Variants in TUBGCP6 observed in about 807,000 individuals in gnomAD.
TUBGCP6 encodes tubulin gamma complex component 6.
In TUBGCP6, 161 loss-of-function variants were observed where a neutral mutation model predicts 175.8. The ratio of observed to expected loss-of-function variants is 0.92; its 90% CI spans 0.81 to 1.04. The LOEUF (loss-of-function observed/expected upper bound fraction) is 1.04. TUBGCP6 is among the 50% of genes least tolerant of loss of function. The pLI is 0.00. For synonymous variants in TUBGCP6, 1,173 were observed against 1,030.5 expected, an observed-to-expected ratio of 1.14 and a Z score of -2.65; for missense variants, 2,572 against 2,433.0, an observed-to-expected ratio of 1.06 and a Z score of -1.20.
chr22:50,243,821 C>T lies in TUBGCP6; in HGVS notation c.639G>A (p.Ser213=), dbSNP rs756872541. ...GGCTGTGCACAAGGGCCCCGAAGAG[C>T]GAGACCCGGGTGTCTCTCTCGAACC... is the stretch of plus-strand genomic sequence containing the variant. ...GDRFERDTRV[S]LFGALVHSRT... Residue 213 remains serine, a synonymous_variant, in exon 1 of 25, where the codon TCG becomes TCA. Transcript: ENST00000248846. 3 of 1,613,510 alleles carry T rather than the reference C, an allele frequency of 1.9e-6. No homozygotes were observed. Among genetic ancestry groups the T allele is most frequent in the South Asian group, 2.2e-5 (2 of 91,072 alleles).
rs561967907 is a variant in TUBGCP6, at chr22:50,226,144, A to G, written c.1739T>C (p.Val580Ala). 1.9e-6 allele frequency: 3 copies of G among 1,614,084 alleles called. No individual in the cohort carries two copies. The highest frequency in any genetic ancestry group is 2.5e-6 in the Non-Finnish European group (3 of 1,180,002). The stretch of plus-strand genomic sequence containing the variant: ...CAGAAACACGGGAACACAGTCCTCC[A>G]CCTCTTTGGAGATGAGCACGTAGCC... ...THGYVLISKE[V>A]EDCVPVFLKH... The change falls in exon 9 of 25, where the codon GTG becomes GCG. Residue 580 changes from valine (V) to alanine (A), a missense_variant. Coordinates refer to ENST00000248846, the MANE Select transcript of TUBGCP6 (RefSeq NM_020461.4).
At chr22:50,234,194 C>T (rs1271442764) in intron 2 of TUBGCP6, among the ~76,000 whole-genome samples, 12 of 149,848 alleles carry the variant, frequency 8.0e-5, no homozygotes, top group Non-Finnish European at 1.6e-4. Context: ...ATCCACACGC[C>T]CGTCCACAGC....
Position 50,226,192 on chromosome 22 carries a change from AAGGTAGGGTG to A in TUBGCP6, c.1694-13_1694-4del, listed in dbSNP as rs780635461. 24 of 1,613,978 alleles carry A rather than the reference AAGGTAGGGTG, an allele frequency of 1.5e-5. No individual in the cohort carries two copies. The highest frequency in any genetic ancestry group is 1.9e-5 in the Non-Finnish European group (23 of 1,180,024). ...GCCATGTGTCCAGTACAACTTATCT[AAGGTAGGGTG>A]AACACCACGGTGGCCGGCATGGCCA... On this transcript the variant is annotated splice_region_variant and splice_polypyrimidine_tract_variant and intron_variant, in intron 8 of 24. Transcript: ENST00000248846.
Position 50,243,958 on chromosome 22 carries a change from C to A in TUBGCP6, c.502G>T (p.Glu168Ter), listed in dbSNP as rs761488916. ...TGGATCATGCTGTGACACAAACACT[C>A]TTCTCTGGAGATCAGAGACTGAACG... ...MDVQSLISRE[E>*]CLCHSMIQET... Residue 168 changes from glutamate to a stop codon, truncating the protein, a stop_gained, in exon 1 of 25, where the codon GAG (glutamate) becomes TAG (stop). Transcript: ENST00000248846. LOFTEE classifies it high-confidence loss of function. The A allele has an allele frequency of 1.2e-6, 2 of 1,614,062 alleles. No individual in the cohort carries two copies. The highest frequency in any genetic ancestry group is 8.5e-7 in the Non-Finnish European group (1 of 1,180,054).
At chr22:50,230,132 C>G (rs988492705) in intron 3 of TUBGCP6, among the ~76,000 whole-genome samples, 19 of 152,108 alleles carry the variant, frequency 1.2e-4, no homozygotes, top group African/African-American at 4.6e-4. Flanking sequence ...GAACAAGATA[C>G]CAAACCACAA....
intron 3 of TUBGCP6, among the ~76,000 whole-genome samples, chr22:50,231,323 C>G (rs1221027633): frequency 6.7e-6 from 1 of 148,634 alleles, no homozygotes; most frequent in Non-Finnish European, 1.5e-5. Flanking sequence ...GCGTGGTAGT[C>G]CATGCCTGTA....
chr22:50,222,678 A>C (rs1343158166), intron 13 of TUBGCP6, 86 bp from the exon 14 acceptor site: 5 of 1,559,946 alleles, frequency 3.2e-6, no homozygotes, highest in East Asian at 4.5e-5. Flanking sequence ...ATGGTTCTCC[A>C]TAACAGAGGC....
chr22:50,241,248 G>A (rs570919563), intron 1 of TUBGCP6, among the ~76,000 whole-genome samples: 4 of 152,216 alleles, frequency 2.6e-5, no homozygotes, highest in Non-Finnish European at 5.9e-5. Flanking sequence ...AGACAAGAGT[G>A]TGAGCCTTCT....
At position 50,244,813 on chromosome 22, in the gene TUBGCP6, G is replaced by A. The variant is rs1044987695; in HGVS notation, c.-354C>T. On this transcript the variant is annotated 5_prime_UTR_variant, in exon 1 of 25. Coordinates refer to ENST00000248846, the MANE Select transcript of TUBGCP6 (RefSeq NM_020461.4). ...CCCGCGCAGTACAGCGGACGAACTC[G>A]GCTTTGCACCCGTTCTTCGGGACCC... 5.4e-5 allele frequency: 14 copies of A among 259,026 alleles called. No homozygotes were observed. Among genetic ancestry groups the A allele is most frequent in the Non-Finnish European group, 9.7e-5 (13 of 133,988 alleles). 16.0% of individuals were successfully genotyped at this position (259,026 alleles called of 1,614,324 possible). A position where few individuals can be genotyped will look rare whatever the true frequency, so the allele number is the denominator to read the frequency against.
intron 3 of TUBGCP6, among the ~76,000 whole-genome samples, chr22:50,233,073 G>A (rs1056719701): frequency 6.6e-5 from 10 of 152,246 alleles, no homozygotes; most frequent in African/African-American, 2.4e-4. Context: ...CTATCGCTTT[G>A]CTGACAGCAA....
At chr22:50,238,410 T>C (rs6010213) in intron 2 of TUBGCP6, among the ~76,000 whole-genome samples, 111,064 of 149,432 alleles carry the variant, frequency 0.74, 41,513 homozygotes, top group South Asian at 0.9. Flanking sequence ...ATGGTGCCAC[T>C]GCACTCCAGC....
In TUBGCP6 at chr22:50,218,213, T is replaced by C. The variant is rs776406417; in HGVS notation, c.5144A>G (p.Glu1715Gly). The C allele has an allele frequency of 6.2e-7, 1 of 1,612,358 alleles. No individual in the cohort carries two copies. Among genetic ancestry groups the C allele is most frequent in the Non-Finnish European group, 8.5e-7 (1 of 1,179,840 alleles). ...CCTGAAGACGGCCTTGTGCAGGTAC[T>C]CTGCGTGCGCACGCTGGATCTCCTC... ...DLEEIQRAHAEYLHKAVFRGL... is the reference protein window; with the variant it reads ...DLEEIQRAHAGYLHKAVFRGL... The change falls in exon 23 of 25, where the codon GAG becomes GGG. Residue 1715 changes from glutamate to glycine, a missense_variant. Transcript: ENST00000248846.
Position 50,221,030 on chromosome 22 carries a change from A to G in TUBGCP6, c.3329T>C (p.Val1110Ala). Residue 1110 changes from valine (V) to alanine (A), a missense_variant, in exon 16 of 25, where the codon GTG (valine) becomes GCG (alanine). Transcript: ENST00000248846. ...TRPRWNIHGH[V>A]SNASIRVGEN... ...CCCGACCCTGATGCTGGCGTTGGAC[A>G]CATGTCCATGGATGTTCCACCGTGG... 6.2e-7 allele frequency: 1 copy of G among 1,611,668 alleles called. No homozygotes were observed. The highest frequency in any genetic ancestry group is 8.5e-7 in the Non-Finnish European group (1 of 1,179,534).
chr22:50,219,933 A>AC (rs1456885938), intron 17 of TUBGCP6, 24 bp downstream of exon 17: 3 of 1,613,500 alleles, frequency 1.9e-6, no homozygotes, highest in East Asian at 2.2e-5. Flanking sequence ...CTGCTGTGGG[A>AC]CCCCCAGGCT....
Position 50,227,086 on chromosome 22 carries a change from A to AG in TUBGCP6, c.1413-10dup. On this transcript the variant is annotated splice_polypyrimidine_tract_variant and intron_variant, in intron 5 of 24. Coordinates refer to ENST00000248846, the MANE Select transcript of TUBGCP6 (RefSeq NM_020461.4). ...AGAGCTCGGCCAGGTACCTAGACCC[A>AG]GAGGCAGGATGAGACCAGGTGACCG... 2 of 1,608,446 alleles carry AG rather than the reference A, an allele frequency of 1.2e-6. No homozygotes were observed.
At chr22:50,229,663 AC>A in intron 3 of TUBGCP6, 86 bp from the exon 4 acceptor site, 2 of 1,383,414 alleles carry the variant, frequency 1.4e-6, no homozygotes, top group Non-Finnish European at 1.9e-6. Flanking sequence ...CTTGCACCCA[AC>A]CCCACGCCAC....
At position 50,218,403 on chromosome 22, in the gene TUBGCP6, C is replaced by T; in HGVS notation, c.4955-1G>A. 6.2e-7 allele frequency: 1 copy of T among 1,612,820 alleles called. No individual in the cohort carries two copies. The highest frequency in any genetic ancestry group is 8.5e-7 in the Non-Finnish European group (1 of 1,179,878). On this transcript the variant is annotated splice_acceptor_variant, in intron 22 of 24. Coordinates refer to ENST00000248846, the MANE Select transcript of TUBGCP6 (RefSeq NM_020461.4). LOFTEE classifies it high-confidence loss of function. Reference sequence around the variant, plus strand: ...GAGCCGGCCATGTGGCTCAGCAGGGCTGGCGGAGGGCAGAAGGCAGAGGGC... The same window carrying T: ...GAGCCGGCCATGTGGCTCAGCAGGGTTGGCGGAGGGCAGAAGGCAGAGGGC...
chr22:50,233,439 G>C lies in TUBGCP6; in HGVS notation c.993C>G (p.Leu331=). ...DKFCRLHQGE[L]QLLAGGVLQA... ...GTAGGACGCCCCCAGCAAGCAGCTG[G>C]AGCTCCCCTTGGTGGAGCCTGCAGA... The change falls in exon 3 of 25, where the codon CTC becomes CTG. Residue 331 remains leucine, a synonymous_variant. Transcript: ENST00000248846. The C allele has an allele frequency of 6.2e-7, 1 of 1,613,646 alleles. No individual in the cohort carries two copies. The highest frequency in any genetic ancestry group is 8.5e-7 in the Non-Finnish European group (1 of 1,179,814).
At chr22:50,220,140 C>T in intron 16 of TUBGCP6, 111 bp downstream of exon 16, 1 of 1,549,378 alleles carries the variant, frequency 6.5e-7, no homozygotes, top group Non-Finnish European at 8.8e-7. Context: ...TCCTGGCTGA[C>T]AAGGAGGCCT....
Sources: gnomAD v4.1 joint callset for allele counts (sites outside exome capture counted in the v4.1 genomes callset) on GRCh38, gnomAD v4.1.1 for gene constraint, MANE v1.5 for transcripts, NCBI Gene and HGNC (gene_info 2026-07-23, HGNC 2026-07-21) for gene names.